Variants in VPS13B observed in about 807,000 individuals in gnomAD.
The protein encoded by VPS13B is vacuolar protein sorting 13 homolog B, also known as intermembrane lipid transfer protein VPS13B.
VPS13B carries 285 observed loss-of-function variants against 426.4 expected under a neutral mutation model. The ratio of observed to expected loss-of-function variants is 0.67; its 90% CI spans 0.61 to 0.74. The LOEUF is 0.74. Among genes scored for constraint, VPS13B ranks in the 30% least tolerant of loss-of-function variants. The pLI is 0.00. For missense variants in VPS13B, 4,537 were observed against 4,782.6 expected, an observed-to-expected ratio of 0.95 and a Z score of 1.51; for synonymous variants, 1,676 against 1,676.4, an observed-to-expected ratio of 1.00 and a Z score of 0.01.
chr8:99,758,095 T>C (rs1169707050), intron 39 of VPS13B, among the ~76,000 whole-genome samples: 4 of 152,202 alleles, frequency 2.6e-5, no homozygotes, highest in Admixed American at 2.6e-4. Flanking sequence ...TTATAGATAT[T>C]GTAACTAAAG....
At chr8:99,851,428 A>C (rs1816289517) in intron 55 of VPS13B, among the ~76,000 whole-genome samples, 2 of 152,304 alleles carry the variant, frequency 1.3e-5, no homozygotes, top group South Asian at 2.1e-4. Flanking sequence ...GTTATGGTGC[A>C]GTAGAAGGTC....
At chr8:99,513,938 T>C (rs762964800) in intron 29 of VPS13B, among the ~76,000 whole-genome samples, 35 of 152,328 alleles carry the variant, frequency 2.3e-4, no homozygotes, top group Non-Finnish European at 3.4e-4. Flanking sequence ...GTATTCAAAA[T>C]TTGCTCATTT....
chr8:99,622,793 T>A lies in VPS13B; in HGVS notation c.5221-19018T>A, dbSNP rs1214719515. On this transcript the variant is annotated intron_variant, in intron 33 of 61. Coordinates refer to ENST00000357162, the MANE Select transcript of VPS13B (RefSeq NM_152564.5). The stretch of plus-strand genomic sequence containing the variant: ...GGCCAAATATGAGTTTATACTCACC[T>A]CCTGTTTCTTTCTTAGACGTTGTAT... 3.9e-5 allele frequency among the ~76,000 whole-genome samples: 6 copies of A among 152,174 alleles called. No homozygotes were observed. In the East Asian group the frequency reaches 1.2e-3, roughly 29 times the overall value.
chr8:99,182,306 T>C (rs1395748372), intron 16 of VPS13B, among the ~76,000 whole-genome samples: 1 of 152,080 alleles, frequency 6.6e-6, no homozygotes, highest in African/African-American at 2.4e-5. Flanking sequence ...TGGAAAAAAG[T>C]CTAAATTGCC....
chr8:99,412,309 G>A (rs1815722188), intron 21 of VPS13B, among the ~76,000 whole-genome samples: 2 of 152,156 alleles, frequency 1.3e-5, no homozygotes, highest in South Asian at 4.1e-4. Context: ...TGTATTCCTA[G>A]GTATTTTATT....
intron 31 of VPS13B, among the ~76,000 whole-genome samples, chr8:99,561,444 A>T (rs1010413299): frequency 6.6e-6 from 1 of 152,160 alleles, no homozygotes; most frequent in East Asian, 1.9e-4. Flanking sequence ...GTGATCTATG[A>T]TTTATAATGG....
At chr8:99,396,126 G>T (rs1024163394) in intron 21 of VPS13B, among the ~76,000 whole-genome samples, 7 of 152,120 alleles carry the variant, frequency 4.6e-5, no homozygotes, top group Non-Finnish European at 1.5e-5. Flanking sequence ...TGGTTGTGAG[G>T]GTAGGGCTCA....
At chr8:99,578,972 G>A (rs1376074366) in intron 33 of VPS13B, among the ~76,000 whole-genome samples, 9 of 152,050 alleles carry the variant, frequency 5.9e-5, no homozygotes, top group African/African-American at 9.7e-5. Flanking sequence ...TGACAATTCC[G>A]TAAACTATAT....
chr8:99,603,957 A>G (rs1827445490), intron 33 of VPS13B, among the ~76,000 whole-genome samples: 1 of 152,196 alleles, frequency 6.6e-6, no homozygotes, highest in Non-Finnish European at 1.5e-5. Context: ...AGCCTAGTAA[A>G]TATAAATCAA....
chr8:99,672,883 T>A (rs1830775894), intron 35 of VPS13B, among the ~76,000 whole-genome samples: 1 of 152,166 alleles, frequency 6.6e-6, no homozygotes. Flanking sequence ...ATGCTTTTTC[T>A]GCACCTGTTG....
intron 36 of VPS13B, among the ~76,000 whole-genome samples, chr8:99,711,881 A>G (rs528847018): frequency 1.3e-5 from 2 of 152,358 alleles, no homozygotes; most frequent in East Asian, 3.9e-4. Context: ...ATACATGCCT[A>G]CATAAATATC....
At position 99,362,306 on chromosome 8, in the gene VPS13B, A is replaced by G. The variant is rs554053791; in HGVS notation, c.2825-21902A>G. On this transcript the variant is annotated intron_variant, in intron 19 of 61. Transcript: ENST00000357162. The stretch of plus-strand genomic sequence containing the variant: ...ACAGGTGCCCGCCACCACACCTGCT[A>G]ATTTTTTTTATATTTTTAGTAGAGC... 7.3e-5 allele frequency among the ~76,000 whole-genome samples: 11 copies of G among 151,698 alleles called. No individual in the cohort carries two copies. In the East Asian group the frequency reaches 1.9e-3, roughly 27 times the overall value.
At chr8:99,068,121 C>G (rs922816255) in intron 3 of VPS13B, among the ~76,000 whole-genome samples, 3 of 152,176 alleles carry the variant, frequency 2.0e-5, no homozygotes, top group African/African-American at 4.8e-5. Flanking sequence ...AGCCCATTTT[C>G]TTACAGATAC....
At chr8:99,089,257 A>T (rs1038513403) in intron 3 of VPS13B, among the ~76,000 whole-genome samples, 1 of 152,182 alleles carries the variant, frequency 6.6e-6, no homozygotes, top group East Asian at 1.9e-4. Context: ...TATGTGACAT[A>T]TTGAAAGTGT....
chr8:99,346,015 CA>C (rs1477270529), intron 19 of VPS13B: 1 of 154,202 alleles, frequency 6.5e-6, no homozygotes, highest in Non-Finnish European at 1.4e-5. Flanking sequence ...GCAGAGTGGG[CA>C]GGCAGGTGGG....
chr8:99,573,357 G>C (rs1373643807), intron 31 of VPS13B, among the ~76,000 whole-genome samples: 1 of 152,170 alleles, frequency 6.6e-6, no homozygotes, highest in Non-Finnish European at 1.5e-5. Flanking sequence ...TGTTGTTTTA[G>C]ACATGAAGTC....
In VPS13B at chr8:99,763,343, A is replaced by G. The variant is rs1377007823; in HGVS notation, c.7051-3431A>G. Reference sequence around the variant, plus strand: ...ATATTCATTCATTGATTCATGAATTATTCATTCATTTATTCAGCAACTCTT... The same window carrying G: ...ATATTCATTCATTGATTCATGAATTGTTCATTCATTTATTCAGCAACTCTT... On this transcript the variant is annotated intron_variant, in intron 39 of 61. Coordinates refer to ENST00000357162, the MANE Select transcript of VPS13B (RefSeq NM_152564.5). Among the ~76,000 whole-genome samples the G allele has an allele frequency of 2.6e-5, 4 of 152,230 alleles. No individual in the cohort carries two copies. In the South Asian group the frequency reaches 6.2e-4, roughly 24 times the overall value.
At chr8:99,189,755 C>T (rs1035964351) in intron 16 of VPS13B, among the ~76,000 whole-genome samples, 5 of 152,062 alleles carry the variant, frequency 3.3e-5, no homozygotes, top group African/African-American at 1.2e-4. Flanking sequence ...ATTTGTTGAA[C>T]TTCTGGCTAT....
intron 35 of VPS13B, among the ~76,000 whole-genome samples, chr8:99,693,941 T>G (rs1391717344): frequency 1.9e-5 from 2 of 105,676 alleles, no homozygotes; most frequent in Non-Finnish European, 3.8e-5. Context: ...GAACTCCCAT[T>G]CACAATTGCT....
Sources: gnomAD v4.1 joint callset for allele counts (sites outside exome capture counted in the v4.1 genomes callset) on GRCh38, gnomAD v4.1.1 for gene constraint, MANE v1.5 for transcripts, NCBI Gene and HGNC (gene_info 2026-07-23, HGNC 2026-07-21) for gene names.